SPOCK1: variants seen among roughly 807,000 people sequenced by gnomAD.
SPOCK1 encodes testican-1.
Under a neutral mutation model 55.3 loss-of-function variants are expected in SPOCK1, and 23 were observed. The ratio of observed to expected loss-of-function variants is 0.42; its 90% CI spans 0.30 to 0.59. The LOEUF is 0.59. Ranked by LOEUF, SPOCK1 falls within the 20% of genes least tolerant of loss-of-function variation. The pLI is 0.22. For missense variants in SPOCK1, 499 were observed against 552.5 expected (o/e 0.90, Z 0.97); for synonymous variants, 226 against 221.0 (o/e 1.02, Z -0.20).
chr5:137,407,025 G>A (rs1752114333), intron 2 of SPOCK1, among the ~76,000 whole-genome samples: 1 of 152,196 alleles, frequency 6.6e-6, no homozygotes, highest in South Asian at 2.1e-4. Context: ...TTGAACTAAG[G>A]TCTTGCCCTT....
At chr5:137,214,713 G>A (rs10479149) in intron 3 of SPOCK1, among the ~76,000 whole-genome samples, 63,545 of 151,962 alleles carry the variant, frequency 0.42, 13,970 homozygotes, top group Middle Eastern at 0.49. Flanking sequence ...AGATAAGGGG[G>A]AATGAGCAAG....
chr5:137,164,990 A>T (rs1430113925), intron 3 of SPOCK1, among the ~76,000 whole-genome samples: 1 of 152,166 alleles, frequency 6.6e-6, no homozygotes, highest in Non-Finnish European at 1.5e-5. Flanking sequence ...TCCTGGGGGA[A>T]CTCGCCACCC....
chr5:137,288,127 A>G (rs989024242), intron 2 of SPOCK1, among the ~76,000 whole-genome samples: 1 of 152,164 alleles, frequency 6.6e-6, no homozygotes, highest in Non-Finnish European at 1.5e-5. Flanking sequence ...TCACTCAGCA[A>G]CAGGGAGCCA....
At chr5:137,283,335 A>G (rs1298721671) in intron 2 of SPOCK1, among the ~76,000 whole-genome samples, 3 of 152,222 alleles carry the variant, frequency 2.0e-5, no homozygotes, top group Non-Finnish European at 4.4e-5. Flanking sequence ...CTGAAGTGAC[A>G]AACTTCTACT....
At chr5:137,064,187 G>A (rs1323913164) in intron 6 of SPOCK1, among the ~76,000 whole-genome samples, 1 of 152,072 alleles carries the variant, frequency 6.6e-6, no homozygotes, top group African/African-American at 2.4e-5. Flanking sequence ...GAAAACACCA[G>A]GAAAAGCCTC....
At chr5:137,421,619 C>A (rs1317603063) in intron 2 of SPOCK1, among the ~76,000 whole-genome samples, 2 of 152,112 alleles carry the variant, frequency 1.3e-5, no homozygotes, top group African/African-American at 4.8e-5. Context: ...AGGATTGCAA[C>A]CCCTGCCTTT....
chr5:137,421,383 T>C (rs1239165137), intron 2 of SPOCK1, among the ~76,000 whole-genome samples: 1 of 152,240 alleles, frequency 6.6e-6, no homozygotes, highest in Non-Finnish European at 1.5e-5. Flanking sequence ...ATCTGTCTAA[T>C]GTTGACAGTG....
chr5:137,139,168 A>G (rs1448672205), intron 4 of SPOCK1, among the ~76,000 whole-genome samples: 1 of 152,210 alleles, frequency 6.6e-6, no homozygotes, highest in East Asian at 1.9e-4. Flanking sequence ...GCACATTATG[A>G]TACCTTGCAT....
At chr5:137,373,141 C>G (rs554504982) in intron 2 of SPOCK1, among the ~76,000 whole-genome samples, 1 of 152,238 alleles carries the variant, frequency 6.6e-6, no homozygotes, top group East Asian at 1.9e-4. Context: ...AACTTTGAGC[C>G]ATATGAGTTT....
intron 5 of SPOCK1, among the ~76,000 whole-genome samples, chr5:137,104,085 T>G (rs1753317951): frequency 6.6e-6 from 1 of 152,202 alleles, no homozygotes; most frequent in Non-Finnish European, 1.5e-5. Flanking sequence ...ATGGTTTGGA[T>G]CTGTGTTCCC....
At chr5:137,439,747 G>A (rs565676421) in intron 2 of SPOCK1, among the ~76,000 whole-genome samples, 9 of 152,244 alleles carry the variant, frequency 5.9e-5, no homozygotes, top group African/African-American at 1.9e-4. Flanking sequence ...TCTCATCTTC[G>A]CTGGCTCCCA....
chr5:137,369,823 A>G (rs927028148), intron 2 of SPOCK1, among the ~76,000 whole-genome samples: 1 of 152,220 alleles, frequency 6.6e-6, no homozygotes, highest in Middle Eastern at 3.4e-3. Context: ...CTCTGCTTAT[A>G]AGGACACTAA....
intron 9 of SPOCK1, 34 bp from the exon 10 acceptor site, chr5:136,979,503 A>C: frequency 6.6e-7 from 1 of 1,512,584 alleles, no homozygotes; most frequent in Non-Finnish European, 8.9e-7. Context: ...TTAATCAGAG[A>C]CATGCAGATG....
At chr5:137,426,133 G>A (rs2149827343) in intron 2 of SPOCK1, among the ~76,000 whole-genome samples, 1 of 152,272 alleles carries the variant, frequency 6.6e-6, no homozygotes, top group South Asian at 2.1e-4. Flanking sequence ...CCATAAAATA[G>A]ACATGACAAG....
chr5:137,025,472 TAGAC>T (rs1306735868), intron 6 of SPOCK1, among the ~76,000 whole-genome samples: 2 of 152,202 alleles, frequency 1.3e-5, no homozygotes, highest in Non-Finnish European at 2.9e-5. Flanking sequence ...TAACATTTAA[TAGAC>T]AGATATTTCA....
intron 2 of SPOCK1, among the ~76,000 whole-genome samples, chr5:137,451,944 G>C (rs1441868729): frequency 1.3e-5 from 2 of 152,124 alleles, no homozygotes; most frequent in Admixed American, 1.3e-4. Flanking sequence ...GACCAGTAGT[G>C]TTTTAGATTT....
intron 2 of SPOCK1, among the ~76,000 whole-genome samples, chr5:137,309,666 C>A (rs1258966043): frequency 6.6e-6 from 1 of 152,116 alleles, no homozygotes; most frequent in Non-Finnish European, 1.5e-5. Flanking sequence ...AAAAATGAGC[C>A]CAAATCCTGG....
At chr5:137,318,726 A>T (rs1757928020) in intron 2 of SPOCK1, among the ~76,000 whole-genome samples, 1 of 152,218 alleles carries the variant, frequency 6.6e-6, no homozygotes, top group Admixed American at 6.5e-5. Flanking sequence ...TTGAAAGTAA[A>T]GTGTTTGGGG....
At chr5:136,988,383 G>A (rs764868724) in intron 8 of SPOCK1, 39 bp downstream of exon 8, 20 of 1,569,992 alleles carry the variant, frequency 1.3e-5, no homozygotes, top group Non-Finnish European at 1.8e-5. Flanking sequence ...CAGCAAGGCT[G>A]CCCTGGGCTA....
Sources: allele counts gnomAD v4.1 joint callset (sites outside exome capture counted in the v4.1 genomes callset), GRCh38; gene constraint gnomAD v4.1.1; transcripts MANE v1.5; gene names NCBI Gene and HGNC (gene_info 2026-07-23, HGNC 2026-07-21).